PSD3: variants seen among roughly 807,000 people sequenced by gnomAD.
PSD3 encodes the protein PH and SEC7 domain-containing protein 3.
A neutral mutation model predicts 105.5 loss-of-function variants in PSD3; 49 were observed. The ratio of observed to expected loss-of-function variants is 0.46; its 90% CI spans 0.37 to 0.59. The LOEUF (loss-of-function observed/expected upper bound fraction) is 0.59, where lower values mean the gene tolerates loss of function less well. Ranked by LOEUF, PSD3 falls within the 20% of genes least tolerant of loss-of-function variation. The probability of loss-of-function intolerance (pLI) is 0.00; values close to 1 mark genes in which losing one functional copy is unlikely to be tolerated. For missense variants in PSD3, 1,561 were observed against 1,263.8 expected, an observed-to-expected ratio of 1.24 and a Z score of -3.57; for synonymous variants, 557 against 457.8, an observed-to-expected ratio of 1.22 and a Z score of -2.77.
intron 1 of PSD3, among the ~76,000 whole-genome samples, chr8:18,962,589 T>G (rs11204006): frequency 0.41 from 61,905 of 152,010 alleles, 12,853 homozygotes; most frequent in African/African-American, 0.44. Flanking sequence ...AGGTTGAGAA[T>G]GGGTTAGAGT....
intron 9 of PSD3, among the ~76,000 whole-genome samples, chr8:18,745,317 C>A (rs986674243): frequency 6.6e-6 from 1 of 152,210 alleles, no homozygotes; most frequent in Non-Finnish European, 1.5e-5. Flanking sequence ...TTTCCTTTCA[C>A]AATTGTTAAA....
chr8:18,871,271 T>C (rs1817328714), intron 3 of PSD3, among the ~76,000 whole-genome samples: 1 of 152,194 alleles, frequency 6.6e-6, no homozygotes, highest in Non-Finnish European at 1.5e-5. Context: ...CTTTTCATAT[T>C]ACTAAAGATG....
chr8:18,631,367 C>T (rs1369796909), intron 11 of PSD3, among the ~76,000 whole-genome samples: 4 of 151,916 alleles, frequency 2.6e-5, no homozygotes, highest in Non-Finnish European at 5.9e-5. Flanking sequence ...TCCATCCTCT[C>T]AGTGATACAA....
intron 4 of PSD3, among the ~76,000 whole-genome samples, chr8:18,838,465 G>C (rs1326600763): frequency 6.6e-6 from 1 of 152,052 alleles, no homozygotes; most frequent in African/African-American, 2.4e-5. Context: ...AATAAATGAA[G>C]TTGGGGCAAC....
At chr8:18,769,550 G>A (rs1399055402) in intron 8 of PSD3, among the ~76,000 whole-genome samples, 1 of 152,070 alleles carries the variant, frequency 6.6e-6, no homozygotes, top group South Asian at 2.1e-4. Flanking sequence ...TAATAAAGGT[G>A]TGCAATCACC....
chr8:19,073,349 G>C (rs757085910), intron 1 of PSD3, among the ~76,000 whole-genome samples: 1 of 152,032 alleles, frequency 6.6e-6, no homozygotes, highest in Admixed American at 6.6e-5. Flanking sequence ...TTGGGAGTTT[G>C]AGACCAGCCT....
At chr8:18,948,822 G>C (rs544103036) in intron 1 of PSD3, among the ~76,000 whole-genome samples, 44 of 151,902 alleles carry the variant, frequency 2.9e-4, no homozygotes, top group African/African-American at 9.7e-4. Context: ...CTTTGACAAA[G>C]AGAAAAACAG....
At chr8:18,828,890 T>G (rs1425475450) in intron 4 of PSD3, among the ~76,000 whole-genome samples, 1 of 151,898 alleles carries the variant, frequency 6.6e-6, no homozygotes, top group Non-Finnish European at 1.5e-5. Flanking sequence ...CATGAGGCCA[T>G]GAGTTCAAGA....
At chr8:19,032,974 A>G (rs1827820165) in intron 1 of PSD3, among the ~76,000 whole-genome samples, 1 of 152,148 alleles carries the variant, frequency 6.6e-6, no homozygotes, top group East Asian at 1.9e-4. Flanking sequence ...CTAACTAGGC[A>G]TGGTGGTACC....
At chr8:19,026,896 T>C (rs1827575088) in intron 1 of PSD3, among the ~76,000 whole-genome samples, 2 of 151,244 alleles carry the variant, frequency 1.3e-5, no homozygotes, top group African/African-American at 4.8e-5. Flanking sequence ...TATATATATA[T>C]ACAAAGAAAG....
intron 9 of PSD3, among the ~76,000 whole-genome samples, chr8:18,748,472 A>G (rs1043673749): frequency 2.0e-5 from 3 of 151,970 alleles, no homozygotes; most frequent in African/African-American, 7.2e-5. Flanking sequence ...TATCCTGGCT[A>G]ACACGGTGAA....
At chr8:19,064,051 G>T (rs1324399998) in intron 1 of PSD3, among the ~76,000 whole-genome samples, 1 of 152,070 alleles carries the variant, frequency 6.6e-6, no homozygotes. Flanking sequence ...TGAGGCTGGA[G>T]AATCACTTGA....
At chr8:18,992,041 T>C (rs1385231658) in intron 1 of PSD3, among the ~76,000 whole-genome samples, 4 of 152,186 alleles carry the variant, frequency 2.6e-5, no homozygotes, top group Admixed American at 6.5e-5. Context: ...CCATCAAACC[T>C]AGGTCGGTCA....
Position 19,058,973 on chromosome 8 carries a change from C to T in PSD3, c.324+25233G>A, listed in dbSNP as rs148764335. Reference sequence around the variant, plus strand: ...GCGTTCACTCTTCAAAGCAGAGCTACCCAACCTGAAGAGATATAGCATATA... The same window carrying T: ...GCGTTCACTCTTCAAAGCAGAGCTATCCAACCTGAAGAGATATAGCATATA... On this transcript the variant is annotated intron_variant, in intron 1 of 1. Transcript: ENST00000521475. Among the ~76,000 whole-genome samples the T allele has an allele frequency of 4.2e-3, 635 of 152,298 alleles. 3 individuals carry two copies. Among genetic ancestry groups the T allele is most frequent in the African/African-American group, 0.015 (614 of 41,562 alleles).
intron 2 of PSD3, among the ~76,000 whole-genome samples, chr8:18,911,633 G>C (rs899983464): frequency 6.6e-6 from 1 of 152,114 alleles, no homozygotes; most frequent in South Asian, 2.1e-4. Flanking sequence ...ATGTAAGAGC[G>C]TTCACTTCTG....
chr8:18,724,636 A>G (rs1469352184), intron 9 of PSD3, among the ~76,000 whole-genome samples: 3 of 152,042 alleles, frequency 2.0e-5, no homozygotes, highest in African/African-American at 7.2e-5. Flanking sequence ...AAAAATAAAA[A>G]TAAAAATAAA....
intron 2 of PSD3, among the ~76,000 whole-genome samples, chr8:18,934,871 T>A (rs1456056481): frequency 6.6e-6 from 1 of 152,214 alleles, no homozygotes; most frequent in African/African-American, 2.4e-5. Context: ...CGGTTTTCCA[T>A]AAAATTACAC....
At chr8:18,864,608 G>A (rs1217747179) in intron 4 of PSD3, 1 of 152,138 alleles carries the variant, frequency 6.6e-6, no homozygotes. Flanking sequence ...GCCTTCCTCA[G>A]AGCTCACTTT....
intron 1 of PSD3, among the ~76,000 whole-genome samples, chr8:18,950,276 G>C (rs866042229): frequency 6.6e-6 from 1 of 152,094 alleles, no homozygotes; most frequent in East Asian, 1.9e-4. Flanking sequence ...TATTAAAAGT[G>C]GTTATTTTAT....
Sources: allele counts gnomAD v4.1 joint callset (sites outside exome capture counted in the v4.1 genomes callset), GRCh38; gene constraint gnomAD v4.1.1; transcripts MANE v1.5; gene names NCBI Gene and HGNC (gene_info 2026-07-23, HGNC 2026-07-21).